MIB1: variants seen among roughly 807,000 people sequenced by gnomAD.
The protein encoded by MIB1 is MIB E3 ubiquitin protein ligase 1.
MIB1 carries 278 observed loss-of-function variants against 124.5 expected under a neutral mutation model. That is an observed-to-expected ratio of 2.23 (90% CI 2.02 to 2.47). The LOEUF (loss-of-function observed/expected upper bound fraction) is 2.47. MIB1 is among the 30% of genes most tolerant of loss of function. The pLI, the probability that MIB1 is intolerant of heterozygous loss-of-function variation, is 0.00. For synonymous variants in MIB1, 446 were observed against 429.4 expected (o/e 1.04, Z -0.48); for missense variants, 957 against 1,254.4 (o/e 0.76, Z 3.58).
At chr18:21,748,362 T>TCCCTCTCTCCC (rs2040934076) in intron 1 of MIB1, among the ~76,000 whole-genome samples, 3 of 62,172 alleles carry the variant, frequency 4.8e-5, no homozygotes, top group African/African-American at 2.1e-4. Flanking sequence ...TCTCCCTCCC[T>TCCCTCTCTCCC]CCCTCCCTCT....
At chr18:21,806,764 C>G (rs1293124584) in intron 10 of MIB1, among the ~76,000 whole-genome samples, 1 of 152,004 alleles carries the variant, frequency 6.6e-6, no homozygotes, top group Non-Finnish European at 1.5e-5. Context: ...GCTGGGACTA[C>G]AGGCGCACGC....
intron 10 of MIB1, among the ~76,000 whole-genome samples, chr18:21,805,894 T>C (rs2041699337): frequency 6.8e-6 from 1 of 146,962 alleles, no homozygotes; most frequent in Non-Finnish European, 1.5e-5. Flanking sequence ...TAATTTTCTT[T>C]CTTTCCTTTT....
At chr18:21,729,142 A>T (rs1024127005) in intron 1 of MIB1, among the ~76,000 whole-genome samples, 1 of 152,184 alleles carries the variant, frequency 6.6e-6, no homozygotes, top group East Asian at 1.9e-4. Context: ...ACCTGCTTAT[A>T]TATCTGATTA....
rs1349656790 is a variant in MIB1, at chr18:21,866,886, G to T, written c.*2220G>T. ...CTTTATTCATGTTTTCAATCACTTA[G>T]AATTATTTTAAATTTATTTTGGGTT... On this transcript the variant is annotated 3_prime_UTR_variant, in exon 21 of 21. Transcript: ENST00000261537. 1 of 152,378 alleles carries T rather than the reference G, an allele frequency of 6.6e-6. No homozygotes were observed. 9.4% of individuals were successfully genotyped at this position (152,378 alleles called of 1,614,324 possible).
chr18:21,706,132 A>C (rs563473507), intron 1 of MIB1, among the ~76,000 whole-genome samples: 40 of 152,234 alleles, frequency 2.6e-4, no homozygotes, highest in African/African-American at 9.4e-4. Flanking sequence ...CCCAGGCTGG[A>C]GTGCAATGGC....
At chr18:21,840,260 A>G (rs1055887846) in intron 13 of MIB1, among the ~76,000 whole-genome samples, 1 of 152,194 alleles carries the variant, frequency 6.6e-6, no homozygotes, top group Non-Finnish European at 1.5e-5. Context: ...GTAGAACCAC[A>G]CATATGTATA....
chr18:21,861,034 A>G (rs1390949855), intron 20 of MIB1, among the ~76,000 whole-genome samples: 3 of 152,202 alleles, frequency 2.0e-5, no homozygotes, highest in South Asian at 2.1e-4. Flanking sequence ...GTGAGAAACC[A>G]TCTCTTTGTA....
intron 1 of MIB1, among the ~76,000 whole-genome samples, chr18:21,760,613 CA>C (rs200424109): frequency 0.012 from 1,898 of 152,142 alleles, 24 homozygotes; most frequent in Middle Eastern, 0.027. Flanking sequence ...TTTTTTTAAC[CA>C]GTTGTCATGT....
intron 13 of MIB1, 130 bp from the exon 14 acceptor site, chr18:21,843,001 C>G: frequency 1.7e-6 from 1 of 596,634 alleles, no homozygotes; most frequent in Non-Finnish European, 2.8e-6. Context: ...ATGAGAATAA[C>G]ATTGCAGCAG....
chr18:21,719,045 G>A (rs1262390341), intron 1 of MIB1, among the ~76,000 whole-genome samples: 3 of 151,990 alleles, frequency 2.0e-5, no homozygotes, highest in Non-Finnish European at 2.9e-5. Flanking sequence ...AAAATTAGCC[G>A]GGAGTGGTGG....
chr18:21,835,549 C>T (rs866317201), intron 12 of MIB1, among the ~76,000 whole-genome samples: 74 of 151,842 alleles, frequency 4.9e-4, no homozygotes, highest in Middle Eastern at 3.4e-3. Flanking sequence ...GGGTGGATCA[C>T]GAGGTCAGGA....
intron 6 of MIB1, among the ~76,000 whole-genome samples, chr18:21,789,841 T>C (rs1340511822): frequency 6.6e-6 from 1 of 152,172 alleles, no homozygotes; most frequent in African/African-American, 2.4e-5. Context: ...CAGGCTTTTA[T>C]ATGCTAATAA....
intron 1 of MIB1, among the ~76,000 whole-genome samples, chr18:21,726,074 T>C: frequency 6.6e-6 from 1 of 152,092 alleles, no homozygotes; most frequent in East Asian, 1.9e-4. Flanking sequence ...GCAACTCATT[T>C]AAGTTGAAAA....
At chr18:21,716,526 A>G (rs1168145881) in intron 1 of MIB1, among the ~76,000 whole-genome samples, 1 of 152,218 alleles carries the variant, frequency 6.6e-6, no homozygotes, top group East Asian at 1.9e-4. Flanking sequence ...CTCACATCTC[A>G]ATACTAATGT....
At chr18:21,721,739 T>C (rs1210949363) in intron 1 of MIB1, among the ~76,000 whole-genome samples, 1 of 152,180 alleles carries the variant, frequency 6.6e-6, no homozygotes, top group Non-Finnish European at 1.5e-5. Context: ...AGTATAATTA[T>C]GTTTAAAAAT....
chr18:21,784,607 A>G (rs1241213305), intron 6 of MIB1, among the ~76,000 whole-genome samples: 3 of 152,212 alleles, frequency 2.0e-5, no homozygotes, highest in Admixed American at 6.5e-5. Flanking sequence ...TTATTCCAGT[A>G]TTGTAATAAT....
chr18:21,846,410 A>C (rs920500632), intron 15 of MIB1, among the ~76,000 whole-genome samples: 5 of 152,210 alleles, frequency 3.3e-5, no homozygotes, highest in African/African-American at 1.2e-4. Flanking sequence ...AGTTATTGTG[A>C]CTATTTTCAC....
chr18:21,799,215 G>T (rs1249974520), intron 8 of MIB1, among the ~76,000 whole-genome samples: 1 of 151,952 alleles, frequency 6.6e-6, no homozygotes, highest in Admixed American at 6.6e-5. Context: ...TGTAGCTTCT[G>T]TATTGATTGA....
chr18:21,834,754 C>T (rs2042011512), intron 12 of MIB1, among the ~76,000 whole-genome samples: 1 of 152,142 alleles, frequency 6.6e-6, no homozygotes, highest in South Asian at 2.1e-4. Flanking sequence ...GAAACTGTCA[C>T]AACCAAAGGG....
Sources: gnomAD v4.1 joint callset for allele counts (sites outside exome capture counted in the v4.1 genomes callset) on GRCh38, gnomAD v4.1.1 for gene constraint, MANE v1.5 for transcripts, NCBI Gene and HGNC (gene_info 2026-07-23, HGNC 2026-07-21) for gene names.